Variants in PTPN13 observed in about 807,000 individuals in gnomAD.
PTPN13 encodes tyrosine-protein phosphatase non-receptor type 13.
In PTPN13, 191 loss-of-function variants were observed where a neutral mutation model predicts 284.0. The observed-to-expected ratio is 0.67, with a 90% CI of 0.60 to 0.76. The LOEUF (loss-of-function observed/expected upper bound fraction) is 0.76. PTPN13 is among the 30% of genes least tolerant of loss of function. The probability of loss-of-function intolerance (pLI) is 0.00; values close to 1 mark genes in which losing one functional copy is unlikely to be tolerated. For synonymous variants in PTPN13, 986 were observed against 1,022.3 expected, an observed-to-expected ratio of 0.96 and a Z score of 0.68; for missense variants, 2,797 against 2,939.9, an observed-to-expected ratio of 0.95 and a Z score of 1.12.
At chr4:86,658,645 T>G (rs957185279) in intron 2 of PTPN13, among the ~76,000 whole-genome samples, 1 of 152,140 alleles carries the variant, frequency 6.6e-6, no homozygotes, top group Non-Finnish European at 1.5e-5. Context: ...GAGTTTAGGT[T>G]TATGAAGCAT....
chr4:86,803,848 G>A lies in PTPN13; in HGVS notation c.6645G>A (p.Lys2215=). The A allele has an allele frequency of 6.2e-7, 1 of 1,613,290 alleles. No homozygotes were observed. Among genetic ancestry groups the A allele is most frequent in the Admixed American group, 1.7e-5 (1 of 59,984 alleles). The change falls in exon 43 of 48, where the codon AAG becomes AAA. Residue 2215 remains lysine, a synonymous_variant. Coordinates refer to ENST00000411767, the MANE Select transcript of PTPN13 (RefSeq NM_080683.3). ...RGLLDQGIPS[K]ELENLQELKP... Reference sequence around the variant, plus strand: ...TGCTAGATCAAGGAATTCCTTCTAAGGAGCTGGAGGTAAGTGGCTTCTGCC... The same window carrying A: ...TGCTAGATCAAGGAATTCCTTCTAAAGAGCTGGAGGTAAGTGGCTTCTGCC...
At chr4:86,737,560 C>A (rs1169361947) in intron 15 of PTPN13, among the ~76,000 whole-genome samples, 1 of 152,068 alleles carries the variant, frequency 6.6e-6, no homozygotes, top group East Asian at 1.9e-4. Flanking sequence ...CAGCACATTT[C>A]GAATACATAA....
Position 86,764,575 on chromosome 4 carries a change from T to G in PTPN13, c.4018-18T>G, listed in dbSNP as rs780897679. 3.5e-5 allele frequency: 49 copies of G among 1,405,418 alleles called. No homozygotes were observed. The highest frequency in any genetic ancestry group is 3.7e-6 in the Non-Finnish European group (4 of 1,070,744). The allele number at this position is 1,405,418 out of a possible 1,614,324, so 87.1% of individuals were successfully genotyped here. A position where few individuals can be genotyped will look rare whatever the true frequency, so the allele number is the denominator to read the frequency against. ...TTTGACTCTAACAAGAAATCTTTGT[T>G]TGTTTTTCTTTGTTAAGGAATCTTC... On this transcript the variant is annotated intron_variant, in intron 24 of 47. Transcript: ENST00000411767.
chr4:86,663,865 T>TGTAAAACAGC (rs2148861200), intron 2 of PTPN13, among the ~76,000 whole-genome samples: 1 of 152,296 alleles, frequency 6.6e-6, no homozygotes, highest in East Asian at 1.9e-4. Context: ...TACTTACAGC[T>TGTAAAACAGC]TTGTAAGCTG....
chr4:86,595,664 G>A (rs1158383718), intron 1 of PTPN13: 6 of 731,274 alleles, frequency 8.2e-6, no homozygotes, highest in Non-Finnish European at 1.0e-5. Context: ...AACAAACGCG[G>A]TGACTTCATA....
At chr4:86,655,570 C>T (rs1725693210) in intron 2 of PTPN13, among the ~76,000 whole-genome samples, 1 of 152,168 alleles carries the variant, frequency 6.6e-6, no homozygotes, top group Non-Finnish European at 1.5e-5. Flanking sequence ...AATATTGGCC[C>T]CCACTCTCTT....
intron 6 of PTPN13, among the ~76,000 whole-genome samples, chr4:86,693,969 A>G (rs1730309584): frequency 6.6e-6 from 1 of 152,084 alleles, no homozygotes; most frequent in South Asian, 2.1e-4. Flanking sequence ...GGTATTTCAT[A>G]TTAAAAATAC....
At chr4:86,637,588 A>T (rs1487789399) in intron 2 of PTPN13, among the ~76,000 whole-genome samples, 1 of 151,328 alleles carries the variant, frequency 6.6e-6, no homozygotes, top group African/African-American at 2.4e-5. Flanking sequence ...CCACATGATT[A>T]TCTCAATAGA....
At chr4:86,725,270 A>G (rs901070145) in intron 10 of PTPN13, among the ~76,000 whole-genome samples, 2 of 149,206 alleles carry the variant, frequency 1.3e-5, no homozygotes, top group African/African-American at 4.9e-5. Context: ...CAGTGCTGCA[A>G]TAAACATACA....
intron 7 of PTPN13, among the ~76,000 whole-genome samples, chr4:86,703,166 A>G (rs1239248792): frequency 2.6e-5 from 4 of 152,160 alleles, no homozygotes; most frequent in Non-Finnish European, 5.9e-5. Flanking sequence ...GAATTTTTCA[A>G]AAACATTAGC....
At chr4:86,789,144 T>C (rs1742322222) in intron 40 of PTPN13, among the ~76,000 whole-genome samples, 1 of 152,176 alleles carries the variant, frequency 6.6e-6, no homozygotes, top group Non-Finnish European at 1.5e-5. Flanking sequence ...CCTAAAAAGA[T>C]AGGCAAGGTA....
At chr4:86,651,634 T>G (rs958699251) in intron 2 of PTPN13, among the ~76,000 whole-genome samples, 1 of 152,184 alleles carries the variant, frequency 6.6e-6, no homozygotes, top group African/African-American at 2.4e-5. Flanking sequence ...GATGGGAGAC[T>G]TTTTATTACT....
intron 3 of PTPN13, among the ~76,000 whole-genome samples, chr4:86,678,553 A>T (rs947633721): frequency 6.6e-6 from 1 of 152,214 alleles, no homozygotes; most frequent in Non-Finnish European, 1.5e-5. Context: ...AAAGCTACTT[A>T]TTAGATATCT....
At chr4:86,790,943 A>T (rs1742562954) in intron 40 of PTPN13, among the ~76,000 whole-genome samples, 1 of 152,084 alleles carries the variant, frequency 6.6e-6, no homozygotes, top group Admixed American at 6.5e-5. Context: ...AAGACAGGTG[A>T]TTTCTGCATT....
chr4:86,721,327 G>T (rs2149086800), intron 9 of PTPN13, among the ~76,000 whole-genome samples: 1 of 152,114 alleles, frequency 6.6e-6, no homozygotes, highest in Non-Finnish European at 1.5e-5. Flanking sequence ...TTCAGTTATT[G>T]ACTTTACAGG....
chr4:86,814,295 G>A (rs1021898377), intron 47 of PTPN13, among the ~76,000 whole-genome samples, 161 bp from the exon 48 acceptor site: 17 of 151,592 alleles, frequency 1.1e-4, no homozygotes, highest in African/African-American at 1.9e-4. Context: ...GTGAGCCACC[G>A]CGCCCAGCCT....
At chr4:86,695,107 G>A (rs1250617432) in intron 6 of PTPN13, among the ~76,000 whole-genome samples, 1 of 151,930 alleles carries the variant, frequency 6.6e-6, no homozygotes. Context: ...ATTTTGTAAT[G>A]GTACAGTTAA....
intron 35 of PTPN13, among the ~76,000 whole-genome samples, chr4:86,778,797 A>T (rs1740940336): frequency 1.3e-5 from 2 of 152,158 alleles, no homozygotes; most frequent in African/African-American, 2.4e-5. Context: ...AGATTTTTTT[A>T]ACGAGAAAAA....
rs986692153 is a variant in PTPN13, at chr4:86,702,937, T to C, written c.1195+1136T>C. Among the ~76,000 whole-genome samples, 4 of 152,276 alleles carry C rather than the reference T, an allele frequency of 2.6e-5. No individual in the cohort carries two copies. In the East Asian group the frequency reaches 7.7e-4, roughly 29 times the overall value. On this transcript the variant is annotated intron_variant, in intron 7 of 47. Coordinates refer to ENST00000411767, the MANE Select transcript of PTPN13 (RefSeq NM_080683.3). ...ATTCTAGTGTAATATTTTTTATTAA[T>C]ATATTTCCTTTAAAGTATTCTAAAG...
Sources: allele counts gnomAD v4.1 joint callset (sites outside exome capture counted in the v4.1 genomes callset), GRCh38; gene constraint gnomAD v4.1.1; transcripts MANE v1.5; gene names NCBI Gene and HGNC (gene_info 2026-07-23, HGNC 2026-07-21).